SNAI2: variants seen among roughly 807,000 people sequenced by gnomAD.
SNAI2 encodes the protein snail family transcriptional repressor 2, also known as zinc finger protein SNAI2.
A neutral mutation model predicts 22.4 loss-of-function variants in SNAI2; 2 were observed. The observed-to-expected ratio is 0.09, with a 90% CI of 0.04 to 0.28. The LOEUF (loss-of-function observed/expected upper bound fraction) is 0.28, where lower values mean the gene tolerates loss of function less well. Ranked by LOEUF, SNAI2 falls within the 10% of genes least tolerant of loss-of-function variation. The pLI is 1.00. For missense variants in SNAI2, 239 were observed against 320.8 expected (o/e 0.75, Z 1.95); for synonymous variants, 134 against 123.0 (o/e 1.09, Z -0.59).
chr8:48,920,581 G>A, intron 1 of SNAI2, 140 bp from the exon 2 acceptor site: 1 of 770,842 alleles, frequency 1.3e-6, no homozygotes, highest in South Asian at 1.6e-5. Context: ...CATTTAGGAG[G>A]GCATACACAC....
rs1322596201 is a variant in SNAI2 at position 48,918,681 on chromosome 8, A to ATG, written c.*124_*125dup. On this transcript the variant is annotated 3_prime_UTR_variant, in exon 3 of 3. Coordinates refer to ENST00000020945, the MANE Select transcript of SNAI2 (RefSeq NM_003068.5). Reference sequence around the variant, plus strand: ...TGGGTGTGTGTGTGTGTGTGTGCATATGTGTGTGTGTCTATACATATTATT... The same window carrying ATG: ...TGGGTGTGTGTGTGTGTGTGTGCATATGTGTGTGTGTGTCTATACATATTATT... 3.8e-6 allele frequency: 3 copies of ATG among 799,766 alleles called. No homozygotes were observed. The highest frequency in any genetic ancestry group is 6.5e-6 in the Non-Finnish European group (3 of 462,598). The allele number at this position is 799,766 out of a possible 1,614,324, so 49.5% of individuals were successfully genotyped here.
intron 2 of SNAI2, 30 bp downstream of exon 2, chr8:48,919,866 T>G: frequency 6.2e-7 from 1 of 1,607,440 alleles, no homozygotes; most frequent in Non-Finnish European, 8.5e-7. Context: ...TATCTCAGAG[T>G]AACATTCCTG....
chr8:48,918,594 C>CTTCA lies in SNAI2; in HGVS notation c.*209_*212dup. 1 of 553,058 alleles carries CTTCA rather than the reference C, an allele frequency of 1.8e-6. No homozygotes were observed. Among genetic ancestry groups the CTTCA allele is most frequent in the Non-Finnish European group, 3.2e-6 (1 of 311,592 alleles). The allele number at this position is 553,058 out of a possible 1,614,324, so 34.3% of individuals were successfully genotyped here. On this transcript the variant is annotated 3_prime_UTR_variant, in exon 3 of 3. Transcript: ENST00000020945. ...TCAGCAAATATATAGTAATTTTAAA[C>CTTCA]TTCACATGGAAAGGATTATCTTTAA...
chr8:48,921,352 G>T lies in SNAI2; in HGVS notation c.-87C>A. 9.7e-7 allele frequency: 1 copy of T among 1,030,982 alleles called. No individual in the cohort carries two copies. Among genetic ancestry groups the T allele is most frequent in the Non-Finnish European group, 1.5e-6 (1 of 661,814 alleles). The allele number at this position is 1,030,982 out of a possible 1,614,324, so 63.9% of individuals were successfully genotyped here. On this transcript the variant is annotated 5_prime_UTR_variant, in exon 1 of 3. Coordinates refer to ENST00000020945, the MANE Select transcript of SNAI2 (RefSeq NM_003068.5). ...TCCCTACAGCATCGCGGCGGGCCAGGCTCGGGCAGGGGCCGTGCTCAGGTG... is the reference window on the plus strand; with the variant it reads ...TCCCTACAGCATCGCGGCGGGCCAGTCTCGGGCAGGGGCCGTGCTCAGGTG...
chr8:48,920,408 G>T lies in SNAI2; in HGVS notation c.113C>A (p.Ser38Tyr). ...CTCTGGTTGTGGTATGACAGGCATG[G>T]AGTAACTCTCATAGAGATACGGGGA... Reference protein sequence around the residue: ...IISPYLYESYSMPVIPQPEIL... With the variant: ...IISPYLYESYYMPVIPQPEIL... The change falls in exon 2 of 3, where the codon TCC (serine) becomes TAC (tyrosine). Residue 38 changes from serine (S) to tyrosine (Y), a missense_variant. Transcript: ENST00000020945. The T allele has an allele frequency of 1.2e-6, 2 of 1,614,138 alleles. No individual in the cohort carries two copies. The highest frequency in any genetic ancestry group is 1.7e-6 in the Non-Finnish European group (2 of 1,179,996).
chr8:48,920,159 T>C lies in SNAI2; in HGVS notation c.362A>G (p.His121Arg). 1 of 1,614,200 alleles carries C rather than the reference T, an allele frequency of 6.2e-7. No individual in the cohort carries two copies. The highest frequency in any genetic ancestry group is 1.1e-5 in the South Asian group (1 of 91,090). ...ERLQSKLSDP[H>R]AIEAEKFQCN... is the part of the protein sequence containing the mutation. ...CTGAAACTTTTCAGCTTCAATGGCA[T>C]GGGGGTCTGAAAGCTTGGACTGTAG... The change falls in exon 2 of 3, where the codon CAT becomes CGT. Residue 121 changes from histidine to arginine, a missense_variant. Physicochemically the swap from His to Arg is conservative, Grantham distance 29. This residue lies in a region of SNAI2 where 183 missense variants were observed against 190.4 expected (regional missense o/e 0.96). Transcript: ENST00000020945.
chr8:48,921,070 A>G lies in SNAI2; in HGVS notation c.79+117T>C, dbSNP rs1418889316. ...GTAAGCTCCCTTTCAGGACACTGTTAAAAAGGAAAACAGTTGAATCTTTGG... is the reference window on the plus strand; with the variant it reads ...GTAAGCTCCCTTTCAGGACACTGTTGAAAAGGAAAACAGTTGAATCTTTGG... On this transcript the variant is annotated intron_variant, in intron 1 of 2. Coordinates refer to ENST00000020945, the MANE Select transcript of SNAI2 (RefSeq NM_003068.5). 4.7e-6 allele frequency: 4 copies of G among 843,588 alleles called. No homozygotes were observed. In the Admixed American group the frequency reaches 7.3e-5, roughly 15 times the overall value. The allele number at this position is 843,588 out of a possible 1,614,324, so 52.3% of individuals were successfully genotyped here. A position where few individuals can be genotyped will look rare whatever the true frequency, so the allele number is the denominator to read the frequency against.
Position 48,921,423 on chromosome 8 carries a change from A to G in SNAI2, c.-158T>C. On this transcript the variant is annotated 5_prime_UTR_variant, in exon 1 of 3. Transcript: ENST00000020945. ...GCCTCTGAAGTCACCCGGCTCCTTT[A>G]CGAACTGAGCCCGTTTTGGCTGGGA... 1.5e-6 allele frequency: 1 copy of G among 669,016 alleles called. No homozygotes were observed. The highest frequency in any genetic ancestry group is 2.7e-6 in the Non-Finnish European group (1 of 376,858). 41.4% of individuals were successfully genotyped at this position (669,016 alleles called of 1,614,324 possible).
Position 48,920,088 on chromosome 8 carries a change from T to C in SNAI2, c.433A>G (p.Lys145Glu), listed in dbSNP as rs1324596275. 6.2e-7 allele frequency: 1 copy of C among 1,614,094 alleles called. No individual in the cohort carries two copies. Among genetic ancestry groups the C allele is most frequent in the Non-Finnish European group, 8.5e-7 (1 of 1,180,048 alleles). Residue 145 changes from lysine to glutamate, a missense_variant, in exon 2 of 3, where the codon AAA (lysine) becomes GAA (glutamate). Lys to Glu is a moderately conservative substitution (Grantham distance 56, BLOSUM62 1). Coordinates refer to ENST00000020945, the MANE Select transcript of SNAI2 (RefSeq NM_003068.5). ...GCATCGCAGTGCAGCTGCTTATGTT[T>C]GGCCAGCCCAGAAAAAGTTGAATAG... is the stretch of plus-strand genomic sequence containing the variant. The part of the protein sequence containing the change: ...KTYSTFSGLA[K>E]HKQLHCDAQS...
In SNAI2 at chr8:48,919,885, T is replaced by A; in HGVS notation, c.625+11A>T. 1.9e-6 allele frequency: 3 copies of A among 1,613,128 alleles called. No homozygotes were observed. In the South Asian group the frequency reaches 3.3e-5, roughly 18 times the overall value. On this transcript the variant is annotated intron_variant, in intron 2 of 2. Coordinates refer to ENST00000020945, the MANE Select transcript of SNAI2 (RefSeq NM_003068.5). ...TCAGAGTAACATTCCTGCCTATGGT[T>A]TTTCTCTTACCCGTGTGAGTTCTAA...
At position 48,920,057 on chromosome 8, in the gene SNAI2, G is replaced by C; in HGVS notation, c.464C>G (p.Ser155Cys). The C allele has an allele frequency of 6.2e-7, 1 of 1,614,222 alleles. No individual in the cohort carries two copies. Among genetic ancestry groups the C allele is most frequent in the East Asian group, 2.2e-5 (1 of 44,892 alleles). ...GTATTTACAGCTGAAAGATTTTCTA[G>C]ACTGGGCATCGCAGTGCAGCTGCTT... ...KHKQLHCDAQ[S>C]RKSFSCKYCD... is the part of the protein sequence containing the mutation. Residue 155 changes from serine to cysteine, a missense_variant, in exon 2 of 3, where the codon TCT (serine) becomes TGT (cysteine). Physicochemically the swap from Ser to Cys is moderately radical, Grantham distance 112. Transcript: ENST00000020945.
In SNAI2 at chr8:48,920,017, A is replaced by G; in HGVS notation, c.504T>C (p.Tyr168=). 1.2e-6 allele frequency: 2 copies of G among 1,614,230 alleles called. No homozygotes were observed. The highest frequency in any genetic ancestry group is 1.7e-6 in the Non-Finnish European group (2 of 1,180,042). The change falls in exon 2 of 3, where the codon TAT becomes TAC. Residue 168 remains tyrosine, a synonymous_variant. Coordinates refer to ENST00000020945, the MANE Select transcript of SNAI2 (RefSeq NM_003068.5). ...GCATCTTCAGGGCGCCCAGGCTCACATATTCCTTGTCACAGTATTTACAGC... is the reference window on the plus strand; with the variant it reads ...GCATCTTCAGGGCGCCCAGGCTCACGTATTCCTTGTCACAGTATTTACAGC... ...SFSCKYCDKE[Y]VSLGALKMHI...
Position 48,920,430 on chromosome 8 carries a change from G to A in SNAI2, c.91C>T (p.Pro31Ser). The A allele has an allele frequency of 6.2e-7, 1 of 1,613,892 alleles. No homozygotes were observed. Among genetic ancestry groups the A allele is most frequent in the South Asian group, 1.1e-5 (1 of 91,066 alleles). ...ATGGAGTAACTCTCATAGAGATACGGGGAAATAATCACTGGGAAAGAAAAG... is the reference window on the plus strand; with the variant it reads ...ATGGAGTAACTCTCATAGAGATACGAGGAAATAATCACTGGGAAAGAAAAG... Reference protein sequence around the residue: ...ELDTHTVIISPYLYESYSMPV... With the variant: ...ELDTHTVIISSYLYESYSMPV... Residue 31 changes from proline to serine, a missense_variant, in exon 2 of 3, where the codon CCG becomes TCG. This residue lies in a region of SNAI2 where 183 missense variants were observed against 190.4 expected (regional missense o/e 0.96). Transcript: ENST00000020945.
rs1222059654 is a variant in SNAI2, at chr8:48,917,615, G to T, written c.*1192C>A. 1 of 152,058 alleles carries T rather than the reference G, an allele frequency of 6.6e-6. No homozygotes were observed. Among genetic ancestry groups the T allele is most frequent in the Non-Finnish European group, 1.5e-5 (1 of 67,990 alleles). The allele number at this position is 152,058 out of a possible 1,614,324, so 9.4% of individuals were successfully genotyped here. On this transcript the variant is annotated 3_prime_UTR_variant, in exon 3 of 3. Coordinates refer to ENST00000020945, the MANE Select transcript of SNAI2 (RefSeq NM_003068.5). Reference sequence around the variant, plus strand: ...ATCTTGAGTAAAAATAATACTAGCAGCTTACTTTATTATAATCTAACACAT... The same window carrying T: ...ATCTTGAGTAAAAATAATACTAGCATCTTACTTTATTATAATCTAACACAT...
rs766023116 is a variant in SNAI2 at position 48,921,298 on chromosome 8, G to A, written c.-33C>T. The stretch of plus-strand genomic sequence containing the variant: ...GCGGGTCTGGCGGGCGCCCGGCGCG[G>A]ATAACGGTCCGGCGGGAGGACACGG... On this transcript the variant is annotated 5_prime_UTR_variant, in exon 1 of 3. Coordinates refer to ENST00000020945, the MANE Select transcript of SNAI2 (RefSeq NM_003068.5). The A allele has an allele frequency of 1.3e-6, 2 of 1,564,628 alleles. No homozygotes were observed. The highest frequency in any genetic ancestry group is 3.3e-5 in the Admixed American group (2 of 59,948).
Position 48,921,339 on chromosome 8 carries a change from C to T in SNAI2, c.-74G>A, listed in dbSNP as rs1480028878. 3.3e-6 allele frequency: 4 copies of T among 1,194,678 alleles called. No homozygotes were observed. The highest frequency in any genetic ancestry group is 2.4e-5 in the South Asian group (2 of 82,806). 74.0% of individuals were successfully genotyped at this position (1,194,678 alleles called of 1,614,324 possible). On this transcript the variant is annotated 5_prime_UTR_variant, in exon 1 of 3. Transcript: ENST00000020945. ...GAGGACACGGCGGTCCCTACAGCAT[C>T]GCGGCGGGCCAGGCTCGGGCAGGGG...
chr8:48,919,268 G>C (rs578180170), intron 2 of SNAI2, among the ~76,000 whole-genome samples: 2 of 152,288 alleles, frequency 1.3e-5, no homozygotes, highest in African/African-American at 4.8e-5. Flanking sequence ...AAAGCTTTCT[G>C]CTTTAGCAGA....
In SNAI2 at chr8:48,919,093, G is replaced by A. The variant is rs1326502918; in HGVS notation, c.626-105C>T. The A allele has an allele frequency of 1.7e-5, 19 of 1,094,952 alleles. 1 individual carries two copies. The Admixed American group carries it at 3.5e-4, about 20-fold the overall frequency. The allele number at this position is 1,094,952 out of a possible 1,614,324, so 67.8% of individuals were successfully genotyped here. ...GTCAATCACATTTTGCTTAAATAAT[G>A]AGAAGCAGCAAAACCTGATTAAAAT... is the stretch of plus-strand genomic sequence containing the variant. On this transcript the variant is annotated intron_variant, in intron 2 of 2. Coordinates refer to ENST00000020945, the MANE Select transcript of SNAI2 (RefSeq NM_003068.5).
At position 48,918,473 on chromosome 8, in the gene SNAI2, A is replaced by G. The variant is rs577991090; in HGVS notation, c.*334T>C. 5 of 327,078 alleles carry G rather than the reference A, an allele frequency of 1.5e-5. No individual in the cohort carries two copies. The highest frequency in any genetic ancestry group is 2.3e-5 in the Non-Finnish European group (4 of 172,804). The allele number at this position is 327,078 out of a possible 1,614,324, so 20.3% of individuals were successfully genotyped here. The stretch of plus-strand genomic sequence containing the variant: ...GTTGAAATGATTTGGCAGCAATGTA[A>G]ATCTTTGCATTTTTTTAGGAAGAAA... On this transcript the variant is annotated 3_prime_UTR_variant, in exon 3 of 3. Coordinates refer to ENST00000020945, the MANE Select transcript of SNAI2 (RefSeq NM_003068.5).
Sources: allele counts gnomAD v4.1 joint callset (sites outside exome capture counted in the v4.1 genomes callset), GRCh38; gene constraint gnomAD v4.1.1; regional missense constraint gnomAD v4.1.1; transcripts MANE v1.5; gene names NCBI Gene and HGNC (gene_info 2026-07-23, HGNC 2026-07-21).